GRIN2B: variants seen among roughly 807,000 people sequenced by gnomAD.
The protein encoded by GRIN2B is glutamate ionotropic receptor NMDA type subunit 2B, also known as glutamate receptor ionotropic, NMDA 2B.
A neutral mutation model predicts 114.5 loss-of-function variants in GRIN2B; 5 were observed. The ratio of observed to expected loss-of-function variants is 0.04; its 90% CI spans 0.02 to 0.09. GRIN2B has a LOEUF of 0.09. Among genes scored for constraint, GRIN2B ranks in the 10% least tolerant of loss-of-function variants. GRIN2B has a pLI of 1.00. For missense variants in GRIN2B, 1,108 were observed against 1,943.5 expected (o/e 0.57, Z 8.08); for synonymous variants, 787 against 745.1 (o/e 1.06, Z -0.92).
chr12:13,929,343 G>A (rs559432650), intron 2 of GRIN2B, among the ~76,000 whole-genome samples: 3 of 20,282 alleles, frequency 1.5e-4, no homozygotes, highest in African/African-American at 2.6e-4. Flanking sequence ...AAATAGTGCT[G>A]TTGCTTTAAA....
chr12:13,568,407 A>T (rs1461483699), intron 12 of GRIN2B, among the ~76,000 whole-genome samples: 3 of 152,196 alleles, frequency 2.0e-5, no homozygotes, highest in Non-Finnish European at 4.4e-5. Flanking sequence ...TTTGCAAATC[A>T]TCTCTTTCTC....
At position 13,562,680 on chromosome 12, in the gene GRIN2B, CAA is replaced by C; in HGVS notation, c.*101_*102del. Reference sequence around the variant, plus strand: ...TAAATAAATTAAAACAAGAAAGGAGCAAATGGGAACCAAGTTCACCCCCGTCA... The same window carrying C: ...TAAATAAATTAAAACAAGAAAGGAGCATGGGAACCAAGTTCACCCCCGTCA... On this transcript the variant is annotated 3_prime_UTR_variant, in exon 14 of 14. Coordinates refer to ENST00000609686, the MANE Select transcript of GRIN2B (RefSeq NM_000834.5). The C allele has an allele frequency of 6.0e-6, 6 of 996,618 alleles. No individual in the cohort carries two copies. The highest frequency in any genetic ancestry group is 9.6e-6 in the Non-Finnish European group (6 of 623,130). The allele number at this position is 996,618 out of a possible 1,614,324, so 61.7% of individuals were successfully genotyped here. A position where few individuals can be genotyped will look rare whatever the true frequency, so the allele number is the denominator to read the frequency against.
chr12:13,748,831 C>T (rs1863431760), intron 4 of GRIN2B, among the ~76,000 whole-genome samples: 1 of 152,116 alleles, frequency 6.6e-6, no homozygotes, highest in Non-Finnish European at 1.5e-5. Context: ...ACAAGAGCCC[C>T]ATGAAATCTG....
chr12:13,965,200 T>A (rs1164497443), intron 2 of GRIN2B, among the ~76,000 whole-genome samples: 3 of 152,230 alleles, frequency 2.0e-5, no homozygotes, highest in Non-Finnish European at 4.4e-5. Flanking sequence ...TAATAGGATT[T>A]GTTCTTTAAA....
At chr12:13,603,044 C>A (rs991258651) in intron 10 of GRIN2B, among the ~76,000 whole-genome samples, 2 of 152,124 alleles carry the variant, frequency 1.3e-5, no homozygotes, top group African/African-American at 4.8e-5. Flanking sequence ...CCCCACTGAC[C>A]CCCTAACTGT....
Position 13,564,550 on chromosome 12 carries a change from G to T in GRIN2B, c.2688C>A (p.Ser896=), listed in dbSNP as rs201445433. 5.6e-6 allele frequency: 9 copies of T among 1,614,142 alleles called. No homozygotes were observed. The highest frequency in any genetic ancestry group is 7.6e-6 in the Non-Finnish European group (9 of 1,180,006). The change falls in exon 14 of 14, where the codon TCC becomes TCA. Residue 896 remains serine, a synonymous_variant. Coordinates refer to ENST00000609686, the MANE Select transcript of GRIN2B (RefSeq NM_000834.5). The surrounding 1 kb of genome is among the most constrained non-coding windows in gnomAD (Gnocchi z 4.8). ...SPTATMNNTH[S]NILRLLRTAK... ...CCGTGCGCAGCAGGCGCAGGATGTTGGAGTGTGTGTTGTTCATGGTTGCGG... is the reference window on the plus strand; with the variant it reads ...CCGTGCGCAGCAGGCGCAGGATGTTTGAGTGTGTGTTGTTCATGGTTGCGG...
At chr12:13,775,090 AGTGACGAGTTG>A (rs1315925591) in intron 3 of GRIN2B, among the ~76,000 whole-genome samples, 1 of 152,134 alleles carries the variant, frequency 6.6e-6, no homozygotes, top group Non-Finnish European at 1.5e-5. Context: ...TTTAAACAGA[AGTGACGAGTTG>A]GTTCTGAGGA....
chr12:13,854,706 C>T (rs1281669809), intron 3 of GRIN2B, among the ~76,000 whole-genome samples: 1 of 152,026 alleles, frequency 6.6e-6, no homozygotes, highest in Non-Finnish European at 1.5e-5. Flanking sequence ...AGAGCATCAC[C>T]TTTGGAGAGA....
chr12:13,926,881 A>C (rs1866925104), intron 2 of GRIN2B, among the ~76,000 whole-genome samples: 1 of 151,054 alleles, frequency 6.6e-6, no homozygotes, highest in African/African-American at 2.4e-5. Flanking sequence ...TGAACCCAGG[A>C]GGTGGAGCTT....
intron 5 of GRIN2B, among the ~76,000 whole-genome samples, chr12:13,673,238 T>G (rs1950039857): frequency 6.6e-6 from 1 of 152,150 alleles, no homozygotes; most frequent in South Asian, 2.1e-4. Flanking sequence ...GATAATTCAT[T>G]CTAGGAAGAC....
chr12:13,769,705 C>T (rs1863870056), intron 3 of GRIN2B, among the ~76,000 whole-genome samples: 1 of 152,262 alleles, frequency 6.6e-6, no homozygotes, highest in Admixed American at 6.5e-5. Flanking sequence ...ATATCGCCTT[C>T]ACAGGCATAG....
At chr12:13,723,299 C>T (rs954336663) in intron 4 of GRIN2B, among the ~76,000 whole-genome samples, 1 of 151,924 alleles carries the variant, frequency 6.6e-6, no homozygotes, top group East Asian at 1.9e-4. Context: ...AGCCCCCCAC[C>T]TTTTGTTTTT....
intron 5 of GRIN2B, among the ~76,000 whole-genome samples, chr12:13,633,907 G>A (rs1276877486): frequency 1.4e-5 from 2 of 141,204 alleles, no homozygotes; most frequent in Non-Finnish European, 3.0e-5. Context: ...CTACGACACA[G>A]CTGCTGACAG....
intron 5 of GRIN2B, among the ~76,000 whole-genome samples, chr12:13,658,534 T>C (rs1455056337): frequency 7.7e-6 from 1 of 130,592 alleles, no homozygotes; most frequent in Non-Finnish European, 1.7e-5. Context: ...TTTAGGATCT[T>C]ACACTTAAGA....
chr12:13,948,238 A>AG (rs1421250543), intron 2 of GRIN2B, among the ~76,000 whole-genome samples: 1 of 152,150 alleles, frequency 6.6e-6, no homozygotes, highest in Non-Finnish European at 1.5e-5. Flanking sequence ...AGTCTCTGCC[A>AG]GGGGGGATCC....
chr12:13,953,062 G>A lies in GRIN2B; in HGVS notation c.-19+26866C>T, dbSNP rs1183356584. ...CCAAGCATCTGGGAAGTGACTCCAGGGATGCATGCTAGAATCATCTGAAAC... is the reference window on the plus strand; with the variant it reads ...CCAAGCATCTGGGAAGTGACTCCAGAGATGCATGCTAGAATCATCTGAAAC... On this transcript the variant is annotated intron_variant, in intron 2 of 13. Transcript: ENST00000609686. Among the ~76,000 whole-genome samples, 3 of 151,704 alleles carry A rather than the reference G, an allele frequency of 2.0e-5. No individual in the cohort carries two copies. In the East Asian group the frequency reaches 5.8e-4, roughly 29 times the overall value.
chr12:13,814,321 A>T (rs577261890), intron 3 of GRIN2B, among the ~76,000 whole-genome samples: 1 of 152,224 alleles, frequency 6.6e-6, no homozygotes, highest in Non-Finnish European at 1.5e-5. Flanking sequence ...CTCACATGCT[A>T]TGTTTAGCCA....
intron 2 of GRIN2B, among the ~76,000 whole-genome samples, chr12:13,964,037 T>C (rs1210485490): frequency 1.3e-5 from 2 of 152,204 alleles, no homozygotes; most frequent in Non-Finnish European, 2.9e-5. Flanking sequence ...TGGCTGTGGC[T>C]AGAATTTGTT....
At chr12:13,928,062 G>A (rs1198382206) in intron 2 of GRIN2B, among the ~76,000 whole-genome samples, 1 of 151,516 alleles carries the variant, frequency 6.6e-6, no homozygotes, top group East Asian at 1.9e-4. Context: ...TGTAATCCCG[G>A]TACTTTGGGA....
Sources: allele counts gnomAD v4.1 joint callset (sites outside exome capture counted in the v4.1 genomes callset), GRCh38; gene constraint gnomAD v4.1.1; non-coding constraint Gnocchi (gnomAD v3.1); transcripts MANE v1.5; gene names NCBI Gene and HGNC (gene_info 2026-07-23, HGNC 2026-07-21).